The following ADAM12 variants were observed in gnomAD, a reference collection of about 807,000 sequenced individuals.
ADAM12 encodes the protein ADAM metallopeptidase domain 12.
ADAM12 carries 70 observed loss-of-function variants against 106.4 expected under a neutral mutation model. The ratio of observed to expected loss-of-function variants is 0.66; its 90% confidence interval spans 0.54 to 0.80. The LOEUF is 0.80. Ranked by LOEUF, ADAM12 falls within the 30% of genes least tolerant of loss-of-function variation. The pLI is 0.00. For missense variants in ADAM12, 1,010 were observed against 1,171.9 expected (o/e 0.86, Z 2.02); for synonymous variants, 420 against 433.5 (o/e 0.97, Z 0.39).
chr10:126,215,422 C>T (rs565598470), intron 3 of ADAM12, among the ~76,000 whole-genome samples: 1 of 152,150 alleles, frequency 6.6e-6, no homozygotes, highest in Non-Finnish European at 1.5e-5. Context: ...GGCCACAGGA[C>T]AGGGCCTTCC....
intron 1 of ADAM12, among the ~76,000 whole-genome samples, chr10:126,332,513 C>T (rs1854555998): frequency 6.6e-6 from 1 of 152,130 alleles, no homozygotes; most frequent in Admixed American, 6.5e-5. Flanking sequence ...GTCAATCAAA[C>T]ATTATTTCAA....
intron 3 of ADAM12, among the ~76,000 whole-genome samples, chr10:126,174,673 C>T (rs1957184768): frequency 6.6e-6 from 1 of 152,080 alleles, no homozygotes; most frequent in South Asian, 2.1e-4. Context: ...TACTCACTAC[C>T]CTTAGTCTCT....
chr10:126,240,618 A>C (rs1448470786), intron 3 of ADAM12, among the ~76,000 whole-genome samples: 3 of 152,252 alleles, frequency 2.0e-5, no homozygotes, highest in African/African-American at 7.2e-5. Context: ...GCTGAGAAGG[A>C]GCTACCAGGC....
intron 1 of ADAM12, among the ~76,000 whole-genome samples, chr10:126,362,971 G>A (rs1334738219): frequency 2.0e-5 from 3 of 152,130 alleles, no homozygotes; most frequent in African/African-American, 7.2e-5. Context: ...CTACATATTT[G>A]AGGTGATGGA....
Position 126,388,375 on chromosome 10 carries a change from T to C in ADAM12, c.-230A>G. On this transcript the variant is annotated 5_prime_UTR_variant, in exon 1 of 23. Coordinates refer to ENST00000448723, the MANE Select transcript of ADAM12 (RefSeq NM_001288973.2). The surrounding 1 kb of genome is among the most constrained non-coding windows in gnomAD (Gnocchi z 4.4). ...GCGTGCGTGCGCGCGCGCGCGCCGT[T>C]CTGGCACAAGCCAGCCTTGACCGTT... The C allele has an allele frequency of 4.2e-6, 2 of 476,346 alleles. No individual in the cohort carries two copies. Among genetic ancestry groups the C allele is most frequent in the Admixed American group, 4.9e-5 (1 of 20,250 alleles). The allele number at this position is 476,346 out of a possible 1,614,324, so 29.5% of individuals were successfully genotyped here.
intron 3 of ADAM12, among the ~76,000 whole-genome samples, chr10:126,204,989 G>A (rs944123537): frequency 6.6e-5 from 10 of 152,154 alleles, no homozygotes; most frequent in Non-Finnish European, 1.5e-5. Context: ...GGATTGGCTC[G>A]GGGCTAGGCA....
At chr10:126,100,172 C>A (rs1049435373) in intron 9 of ADAM12, among the ~76,000 whole-genome samples, 1 of 151,970 alleles carries the variant, frequency 6.6e-6, no homozygotes, top group Admixed American at 6.6e-5. Context: ...TGTTCAAAGC[C>A]CCCCAAACAC....
chr10:126,305,130 A>G (rs1290011130), intron 2 of ADAM12, among the ~76,000 whole-genome samples: 1 of 152,104 alleles, frequency 6.6e-6, no homozygotes, highest in African/African-American at 2.4e-5. Flanking sequence ...CCCAAATGAA[A>G]TAAAAATATA....
intron 10 of ADAM12, among the ~76,000 whole-genome samples, chr10:126,095,197 G>A (rs1175223290): frequency 6.6e-6 from 1 of 152,078 alleles, no homozygotes; most frequent in Non-Finnish European, 1.5e-5. Context: ...GCATGCTGAA[G>A]CTTAATCCCA....
rs1565136017 is a variant in ADAM12 at position 126,203,731 on chromosome 10, A to C, written c.261-48426T>G. Among the ~76,000 whole-genome samples, 3 of 152,216 alleles carry C rather than the reference A, an allele frequency of 2.0e-5. No individual in the cohort carries two copies. In the South Asian group the frequency reaches 6.2e-4, roughly 32 times the overall value. On this transcript the variant is annotated intron_variant, in intron 3 of 22. Transcript: ENST00000448723. ...CTTCCTACTCCCACAAATTCTTCAGAAACTGCTTAGCAGAACTATTTAAAA... is the reference window on the plus strand; with the variant it reads ...CTTCCTACTCCCACAAATTCTTCAGCAACTGCTTAGCAGAACTATTTAAAA...
chr10:126,210,937 C>G (rs1565141205), intron 3 of ADAM12, among the ~76,000 whole-genome samples: 1 of 152,174 alleles, frequency 6.6e-6, no homozygotes, highest in Non-Finnish European at 1.5e-5. Context: ...CCAATATCCT[C>G]CATATTTTCC....
intron 2 of ADAM12, among the ~76,000 whole-genome samples, chr10:126,324,605 A>G (rs1413680214): frequency 6.6e-6 from 1 of 152,194 alleles, no homozygotes; most frequent in African/African-American, 2.4e-5. Context: ...TAATGAAGGC[A>G]GTGGTAGACA....
At chr10:126,323,995 G>A (rs975223018) in intron 2 of ADAM12, among the ~76,000 whole-genome samples, 2 of 152,206 alleles carry the variant, frequency 1.3e-5, no homozygotes, top group African/African-American at 4.8e-5. Context: ...TGCCTCATGA[G>A]AGGCAGAAGG....
intron 3 of ADAM12, among the ~76,000 whole-genome samples, chr10:126,217,669 T>C: frequency 7.0e-6 from 1 of 143,320 alleles, no homozygotes; most frequent in Non-Finnish European, 1.5e-5. Flanking sequence ...ACATTTTTGC[T>C]CCATGTAAAT....
chr10:126,163,995 G>A lies in ADAM12; in HGVS notation c.261-8690C>T, dbSNP rs1048834694. On this transcript the variant is annotated intron_variant, in intron 3 of 22. Transcript: ENST00000448723. ...ACACTGATCATACAGGGGGTATGGGGTGGGGACAATCTCATTCATTCCTTC... is the reference window on the plus strand; with the variant it reads ...ACACTGATCATACAGGGGGTATGGGATGGGGACAATCTCATTCATTCCTTC... Among the ~76,000 whole-genome samples, 7 of 152,164 alleles carry A rather than the reference G, an allele frequency of 4.6e-5. 1 individual carries two copies. The highest frequency in any genetic ancestry group is 8.8e-5 in the Non-Finnish European group (6 of 68,042).
chr10:126,166,053 T>G (rs1551679), intron 3 of ADAM12, among the ~76,000 whole-genome samples: 27,076 of 152,224 alleles, frequency 0.18, 2,737 homozygotes, highest in South Asian at 0.32. Context: ...CTATATTAAA[T>G]AAAACTGCTG....
chr10:126,239,763 G>T (rs1361426638), intron 3 of ADAM12, among the ~76,000 whole-genome samples: 1 of 152,196 alleles, frequency 6.6e-6, no homozygotes, highest in Non-Finnish European at 1.5e-5. Context: ...GGTTGAAAGA[G>T]AACCATTCAC....
At chr10:126,083,025 T>A (rs1955260780) in intron 11 of ADAM12, among the ~76,000 whole-genome samples, 1 of 152,208 alleles carries the variant, frequency 6.6e-6, no homozygotes, top group African/African-American at 2.4e-5. Flanking sequence ...GCCAGGGCGG[T>A]GGCATTTGTA....
intron 2 of ADAM12, among the ~76,000 whole-genome samples, chr10:126,321,777 C>A (rs1854103012): frequency 6.6e-6 from 1 of 152,044 alleles, no homozygotes; most frequent in Admixed American, 6.5e-5. Flanking sequence ...TGATATGATG[C>A]CCAGGGGAAA....
Sources: gnomAD v4.1 joint callset for allele counts (sites outside exome capture counted in the v4.1 genomes callset) on GRCh38, gnomAD v4.1.1 for gene constraint, Gnocchi (gnomAD v3.1) non-coding constraint, MANE v1.5 for transcripts, NCBI Gene and HGNC (gene_info 2026-07-23, HGNC 2026-07-21) for gene names.